MICAL3: variants seen among roughly 807,000 people sequenced by gnomAD.
MICAL3 encodes the protein microtubule associated monooxygenase, calponin and LIM domain containing 3.
In MICAL3, 62 loss-of-function variants were observed where a neutral mutation model predicts 207.4. The ratio of observed to expected loss-of-function variants is 0.30; its 90% CI spans 0.24 to 0.37. The LOEUF is 0.37. MICAL3 is among the 10% of genes least tolerant of loss of function. MICAL3 has a pLI of 1.00. For missense variants in MICAL3, 2,368 were observed against 2,635.6 expected, an observed-to-expected ratio of 0.90 and a Z score of 2.22; for synonymous variants, 1,077 against 1,069.3, an observed-to-expected ratio of 1.01 and a Z score of -0.14.
At chr22:17,829,381 C>A (rs1400686512) in intron 21 of MICAL3, among the ~76,000 whole-genome samples, 1 of 152,062 alleles carries the variant, frequency 6.6e-6, no homozygotes, top group Non-Finnish European at 1.5e-5. Context: ...GTTGGTCAGA[C>A]TGGTCTCAAA....
At chr22:17,831,075 C>A (rs949775360) in intron 21 of MICAL3, among the ~76,000 whole-genome samples, 2 of 152,224 alleles carry the variant, frequency 1.3e-5, no homozygotes, top group Non-Finnish European at 2.9e-5. Flanking sequence ...CCTCTGACCG[C>A]TGCAGGGAGT....
In MICAL3 at chr22:17,817,807, G is replaced by C; in HGVS notation, c.4854C>G (p.Ser1618Arg). The C allele has an allele frequency of 6.2e-7, 1 of 1,609,368 alleles. No individual in the cohort carries two copies. Among genetic ancestry groups the C allele is most frequent in the African/African-American group, 1.3e-5 (1 of 74,996 alleles). Residue 1618 changes from serine to arginine, a missense_variant, in exon 26 of 32, where the codon AGC (serine) becomes AGG (arginine). Transcript: ENST00000441493. The part of the protein sequence containing the change: ...ALRDAMARQL[S>R]RMQQMELASG... ...AGGCCAGCTCCATCTGCTGCATCCTGCTCAGCTGCCTGGCCATGGCGTCCC... is the reference window on the plus strand; with the variant it reads ...AGGCCAGCTCCATCTGCTGCATCCTCCTCAGCTGCCTGGCCATGGCGTCCC...
In MICAL3 at chr22:17,886,083, C is replaced by T. The variant is rs374934862; in HGVS notation, c.2068-32G>A. On this transcript the variant is annotated intron_variant, in intron 15 of 31. Coordinates refer to ENST00000441493, the MANE Select transcript of MICAL3 (RefSeq NM_015241.3). Reference sequence around the variant, plus strand: ...AATGCCAACCCCAAAGAACCCGGCGCTGTGACAGGAGGCTCCCCCCATGCC... The same window carrying T: ...AATGCCAACCCCAAAGAACCCGGCGTTGTGACAGGAGGCTCCCCCCATGCC... 1.1e-4 allele frequency: 176 copies of T among 1,610,358 alleles called. No individual in the cohort carries two copies. In the African/African-American group the frequency reaches 2.2e-3, roughly 20 times the overall value.
intron 2 of MICAL3, among the ~76,000 whole-genome samples, chr22:17,906,259 TCAAA>T (rs1931712145): frequency 6.6e-6 from 1 of 152,150 alleles, no homozygotes; most frequent in African/African-American, 2.4e-5. Flanking sequence ...GTCATGCAAG[TCAAA>T]CAAAAAGAGG....
intron 25 of MICAL3, 67 bp downstream of exon 25, chr22:17,821,360 G>C: frequency 1.4e-6 from 2 of 1,385,028 alleles, no homozygotes; most frequent in East Asian, 2.7e-5. Context: ...CTGAAACAGA[G>C]AAGTTAATAT....
intron 17 of MICAL3, among the ~76,000 whole-genome samples, chr22:17,869,102 G>A (rs1927459300): frequency 6.6e-6 from 1 of 152,146 alleles, no homozygotes; most frequent in African/African-American, 2.4e-5. Flanking sequence ...GGGAGCAGTG[G>A]CTTCATCATG....
intron 1 of MICAL3, among the ~76,000 whole-genome samples, chr22:17,915,903 A>T (rs1379428384): frequency 6.6e-6 from 1 of 151,896 alleles, no homozygotes; most frequent in African/African-American, 2.4e-5. Context: ...CAGACTGGGC[A>T]ATATAGCAAG....
At chr22:17,925,065 C>T (rs888343358) in intron 1 of MICAL3, among the ~76,000 whole-genome samples, 3 of 152,182 alleles carry the variant, frequency 2.0e-5, no homozygotes, top group Non-Finnish European at 4.4e-5. Flanking sequence ...ATATTGGGCT[C>T]TGGATCCTGG....
chr22:17,966,423 C>T (rs1029958605), intron 1 of MICAL3, among the ~76,000 whole-genome samples: 4 of 152,236 alleles, frequency 2.6e-5, no homozygotes, highest in African/African-American at 9.6e-5. Context: ...CTGAGCCCCT[C>T]CACCTCCTCA....
intron 1 of MICAL3, chr22:18,004,151 A>C (rs963134668): frequency 6.6e-6 from 1 of 152,194 alleles, no homozygotes; most frequent in Non-Finnish European, 1.5e-5. Context: ...TCCCTCCATG[A>C]AGCCTTCCAG....
chr22:17,795,398 G>A (rs1454805461), intron 29 of MICAL3, among the ~76,000 whole-genome samples: 1 of 152,226 alleles, frequency 6.6e-6, no homozygotes, highest in African/African-American at 2.4e-5. Flanking sequence ...CCATGCTGTG[G>A]AGCGGAACAG....
intron 1 of MICAL3, among the ~76,000 whole-genome samples, chr22:17,914,255 T>C (rs1932329168): frequency 7.0e-6 from 1 of 142,128 alleles, no homozygotes; most frequent in Non-Finnish European, 1.6e-5. Context: ...CTAGAAAGCG[T>C]GAGAATGGCA....
chr22:18,018,407 C>T (rs117716437), intron 1 of MICAL3, among the ~76,000 whole-genome samples: 2,805 of 152,230 alleles, frequency 0.018, 40 homozygotes, highest in Non-Finnish European at 0.029. Context: ...TTTTGCATCA[C>T]GATTCAGTGT....
chr22:17,904,927 A>ATTTCGGGGCTTTAGGGAGTG, intron 2 of MICAL3, 88 bp from the exon 3 acceptor site: 1 of 993,834 alleles, frequency 1.0e-6, no homozygotes, highest in Non-Finnish European at 1.6e-6. Context: ...ATCACTCCCT[A>ATTTCGGGGCTTTAGGGAGTG]AAGCCCCGAA....
chr22:17,970,826 T>C (rs1935379253), intron 1 of MICAL3, among the ~76,000 whole-genome samples: 1 of 152,180 alleles, frequency 6.6e-6, no homozygotes, highest in Non-Finnish European at 1.5e-5. Context: ...TTGTCCTTGA[T>C]TTCAGCACCC....
intron 1 of MICAL3, among the ~76,000 whole-genome samples, chr22:17,980,300 T>G (rs1319309651): frequency 2.0e-5 from 3 of 152,198 alleles, no homozygotes; most frequent in African/African-American, 7.2e-5. Context: ...GGAAAGGGCC[T>G]TTGGTGGAAG....
chr22:17,876,310 G>A (rs1377730501), intron 16 of MICAL3: 2 of 152,228 alleles, frequency 1.3e-5, no homozygotes, highest in Non-Finnish European at 2.9e-5. Flanking sequence ...ACCAGGTTCA[G>A]AATGAACTAT....
chr22:17,954,541 C>T (rs1275557257), intron 1 of MICAL3, among the ~76,000 whole-genome samples: 3 of 152,240 alleles, frequency 2.0e-5, no homozygotes, highest in Non-Finnish European at 4.4e-5. Flanking sequence ...CAGCAATGTT[C>T]TTTGCTAAAA....
intron 1 of MICAL3, among the ~76,000 whole-genome samples, chr22:17,909,965 C>T (rs1932003163): frequency 6.6e-6 from 1 of 152,216 alleles, no homozygotes; most frequent in South Asian, 2.1e-4. Context: ...ACCCTGTGTG[C>T]CCTGCCTGCA....
Sources: allele counts gnomAD v4.1 joint callset (sites outside exome capture counted in the v4.1 genomes callset), GRCh38; gene constraint gnomAD v4.1.1; transcripts MANE v1.5; gene names NCBI Gene and HGNC (gene_info 2026-07-23, HGNC 2026-07-21).